The following RNF212B variants were observed in gnomAD, a reference collection of about 807,000 sequenced individuals.
RNF212B encodes ring finger protein 212B.
RNF212B carries 52 observed loss-of-function variants against 55.5 expected under a neutral mutation model. The observed-to-expected ratio is 0.94, with a 90% CI of 0.75 to 1.18. The LOEUF is 1.18. RNF212B is among the 50% of genes most tolerant of loss of function. The probability of loss-of-function intolerance (pLI) is 0.00; values close to 1 mark genes in which losing one functional copy is unlikely to be tolerated. For missense variants in RNF212B, 289 were observed against 350.4 expected, an observed-to-expected ratio of 0.82 and a Z score of 1.40; for synonymous variants, 99 against 121.4, an observed-to-expected ratio of 0.82 and a Z score of 1.21.
intron 2 of RNF212B, among the ~76,000 whole-genome samples, chr14:23,212,339 T>A (rs751799882): frequency 3.3e-5 from 5 of 152,150 alleles, no homozygotes; most frequent in Non-Finnish European, 7.4e-5. Context: ...GGAAAACTGT[T>A]TTTCTTTTTT....
At chr14:23,232,038 A>T (rs911489502) in intron 2 of RNF212B, among the ~76,000 whole-genome samples, 2 of 152,166 alleles carry the variant, frequency 1.3e-5, no homozygotes, top group Non-Finnish European at 2.9e-5. Flanking sequence ...CAAAGTGCCG[A>T]GATTGCAGCC....
intron 1 of RNF212B, among the ~76,000 whole-genome samples, 149 bp downstream of exon 1, chr14:23,238,204 G>C (rs1254497425): frequency 6.6e-6 from 1 of 152,120 alleles, no homozygotes; most frequent in Non-Finnish European, 1.5e-5. Context: ...GTCAATTCAG[G>C]GGATGACATT....
intron 2 of RNF212B, among the ~76,000 whole-genome samples, chr14:23,228,295 AT>A (rs1211614774): frequency 6.6e-6 from 1 of 151,762 alleles, no homozygotes; most frequent in Non-Finnish European, 1.5e-5. Context: ...TCATTTGGAA[AT>A]GCAAATGAGT....
At position 23,271,931 on chromosome 14, in the gene RNF212B, A is replaced by T. The variant is rs771057321; in HGVS notation, c.835-892A>T. Among the ~76,000 whole-genome samples, 104 of 152,208 alleles carry T rather than the reference A, an allele frequency of 6.8e-4. 1 individual carries two copies. The highest frequency in any genetic ancestry group is 1.1e-3 in the Non-Finnish European group (76 of 68,040). Reference sequence around the variant, plus strand: ...ATGATGATATCGTAGTTATGTTTTTAAAAATAGCCTTTCTCTTTTATAGGT... The same window carrying T: ...ATGATGATATCGTAGTTATGTTTTTTAAAATAGCCTTTCTCTTTTATAGGT... On this transcript the variant is annotated intron_variant, in intron 14 of 14. Transcript: ENST00000430154.
rs1166588196 is a variant in RNF212B at position 23,273,107 on chromosome 14, A to G, written c.*216A>G. ...AGGCTAGTGCTTCAGGAAGATGTTT[A>G]TATCTCTTCCAGAAGACACTGGTAG... On this transcript the variant is annotated 3_prime_UTR_variant, in exon 15 of 15. Transcript: ENST00000430154. 2 of 389,338 alleles carry G rather than the reference A, an allele frequency of 5.1e-6. No homozygotes were observed. The highest frequency in any genetic ancestry group is 4.6e-6 in the Non-Finnish European group (1 of 217,892). 24.1% of individuals were successfully genotyped at this position (389,338 alleles called of 1,614,324 possible).
chr14:23,258,697 T>C, intron 5 of RNF212B, 33 bp downstream of exon 5: 3 of 685,998 alleles, frequency 4.4e-6, no homozygotes, highest in Non-Finnish European at 6.5e-6. Flanking sequence ...AGAGAGCTTT[T>C]TTTTTTTTTT....
chr14:23,255,103 A>G (rs1489706402), intron 4 of RNF212B, among the ~76,000 whole-genome samples: 4 of 152,186 alleles, frequency 2.6e-5, no homozygotes, highest in Non-Finnish European at 4.4e-5. Flanking sequence ...TGGCATAATA[A>G]AGAAGTCCCC....
At chr14:23,260,000 C>CAGTCAGCTAGA in intron 6 of RNF212B, 56 bp downstream of exon 6, 1 of 847,796 alleles carries the variant, frequency 1.2e-6, no homozygotes, top group Non-Finnish European at 1.8e-6. Flanking sequence ...TCTCATCTAT[C>CAGTCAGCTAGA]TAGCTGACTG....
At chr14:23,234,372 T>C (rs1272680744), upstream of RNF212B, among the ~76,000 whole-genome samples, 1 of 152,148 alleles carries the variant, frequency 6.6e-6, no homozygotes, top group Non-Finnish European at 1.5e-5. Flanking sequence ...ATTTTCTCTC[T>C]TCTAGATTTT....
intron 1 of RNF212B, chr14:23,188,206 A>G (rs1877780990): frequency 6.6e-6 from 1 of 152,204 alleles, no homozygotes; most frequent in Non-Finnish European, 1.5e-5. Flanking sequence ...AAAAATTCCA[A>G]CAGATTACTC....
chr14:23,197,830 G>A (rs932130098), intron 2 of RNF212B, among the ~76,000 whole-genome samples: 28 of 150,686 alleles, frequency 1.9e-4, no homozygotes, highest in African/African-American at 5.9e-4. Flanking sequence ...GGGTGCAGGC[G>A]GGCTGAGTCC....
intron 2 of RNF212B, among the ~76,000 whole-genome samples, chr14:23,216,900 A>AAAAAAAAAAAC (rs1881131737): frequency 1.3e-5 from 2 of 151,376 alleles, no homozygotes; most frequent in African/African-American, 2.4e-5. Flanking sequence ...AAAAAAAAAA[A>AAAAAAAAAAAC]AAAAGACCAA....
At chr14:23,272,549 A>T (rs1004915326) in intron 14 of RNF212B, 7 of 430,372 alleles carry the variant, frequency 1.6e-5, no homozygotes, top group South Asian at 1.2e-4. Flanking sequence ...TGGGTGTGGT[A>T]GTCATATGTC....
intron 14 of RNF212B, among the ~76,000 whole-genome samples, chr14:23,271,412 C>T (rs1351525168): frequency 6.6e-6 from 1 of 150,606 alleles, no homozygotes; most frequent in Non-Finnish European, 1.5e-5. Flanking sequence ...CACTGCACTC[C>T]AGCCTGGGCA....
chr14:23,257,708 T>C (rs1249288642), intron 4 of RNF212B, among the ~76,000 whole-genome samples: 1 of 152,212 alleles, frequency 6.6e-6, no homozygotes, highest in African/African-American at 2.4e-5. Flanking sequence ...GACACATTAG[T>C]ATAGCAAATG....
chr14:23,265,148 T>C (rs538471677), intron 11 of RNF212B, among the ~76,000 whole-genome samples: 1 of 152,290 alleles, frequency 6.6e-6, no homozygotes, highest in South Asian at 2.1e-4. Context: ...ATGATATTTT[T>C]GTCTTCCAAC....
rs71119011 is a variant in RNF212B, at chr14:23,251,814, C to CAAA, written c.229-6726_229-6724dup. 1.3e-3 allele frequency among the ~76,000 whole-genome samples: 176 copies of CAAA among 136,424 alleles called. 7 individuals are homozygous for CAAA. Among genetic ancestry groups the CAAA allele is most frequent in the African/African-American group, 3.3e-3 (125 of 37,706 alleles). 89.5% of individuals were successfully genotyped at this position (136,424 alleles called of 152,430 possible). A position where few individuals can be genotyped will look rare whatever the true frequency, so the allele number is the denominator to read the frequency against. On this transcript the variant is annotated intron_variant, in intron 4 of 14. Coordinates refer to ENST00000430154, the MANE Select transcript of RNF212B (RefSeq NM_001282322.3). The stretch of plus-strand genomic sequence containing the variant: ...CTGGCAACAGAGTGAGACTCTGTCT[C>CAAA]AAAAAAAAAAAGAAAGAAAGAAAAC...
intron 2 of RNF212B, among the ~76,000 whole-genome samples, chr14:23,242,103 A>AAAGAG (rs1883633747): frequency 1.1e-5 from 1 of 91,572 alleles, no homozygotes; most frequent in Non-Finnish European, 2.4e-5. Context: ...AAAAAAAAAA[A>AAAGAG]AAAAGAAAAG....
chr14:23,207,613 C>T (rs1879976204), intron 2 of RNF212B, among the ~76,000 whole-genome samples: 1 of 152,184 alleles, frequency 6.6e-6, no homozygotes, highest in African/African-American at 2.4e-5. Flanking sequence ...TGGTACCAAG[C>T]ACAGATAGGA....
Sources: gnomAD v4.1 joint callset for allele counts (sites outside exome capture counted in the v4.1 genomes callset) on GRCh38, gnomAD v4.1.1 for gene constraint, MANE v1.5 for transcripts, NCBI Gene and HGNC (gene_info 2026-07-23, HGNC 2026-07-21) for gene names.